The following DNAH6 variants were observed in gnomAD, a reference collection of about 807,000 sequenced individuals.
DNAH6 encodes the protein axonemal beta dynein heavy chain 6.
DNAH6 carries 340 observed loss-of-function variants against 491.4 expected under a neutral mutation model. That is an observed-to-expected ratio of 0.69 (90% CI 0.63 to 0.76). The LOEUF (loss-of-function observed/expected upper bound fraction) is 0.76, where lower values mean the gene tolerates loss of function less well. Ranked by LOEUF, DNAH6 falls within the 30% of genes least tolerant of loss-of-function variation. DNAH6 has a pLI of 0.00. For synonymous variants in DNAH6, 1,603 were observed against 1,686.1 expected (o/e 0.95, Z 1.21); for missense variants, 4,443 against 4,972.2 (o/e 0.89, Z 3.20).
intron 51 of DNAH6, 85 bp downstream of exon 51, chr2:84,704,387 C>T (rs1696233688): frequency 1.0e-6 from 1 of 956,822 alleles, no homozygotes; most frequent in Admixed American, 2.6e-5. Context: ...TATATTCATT[C>T]CCTTCTCCAC....
chr2:84,590,853 G>T (rs1558763623), intron 16 of DNAH6, among the ~76,000 whole-genome samples: 1 of 152,154 alleles, frequency 6.6e-6, no homozygotes, highest in African/African-American at 2.4e-5. Flanking sequence ...TGGAATACAT[G>T]GCATTCTGAC....
the DNAH6 span, among the ~76,000 whole-genome samples, chr2:84,476,123 G>A: frequency 3.9e-5 from 6 of 152,146 alleles, no homozygotes; most frequent in Non-Finnish European, 8.8e-5. Context: ...CAATCATATG[G>A]TATTAATCTA....
chr2:84,656,234 G>A (rs1381321197), intron 35 of DNAH6, among the ~76,000 whole-genome samples: 1 of 152,118 alleles, frequency 6.6e-6, no homozygotes, highest in Non-Finnish European at 1.5e-5. Flanking sequence ...TGGCAATTAT[G>A]AATTAAACTC....
At chr2:84,634,226 A>G (rs139779828) in intron 29 of DNAH6, among the ~76,000 whole-genome samples, 3 of 152,310 alleles carry the variant, frequency 2.0e-5, no homozygotes, top group Admixed American at 6.5e-5. Flanking sequence ...TCTGTCAAGT[A>G]TTTGCAGAGG....
At chr2:84,657,410 C>T (rs560540144) in intron 35 of DNAH6, among the ~76,000 whole-genome samples, 1 of 152,078 alleles carries the variant, frequency 6.6e-6, no homozygotes, top group South Asian at 2.1e-4. Context: ...TTATAGATAA[C>T]ATCAGAGAAA....
At chr2:84,565,401 C>T (rs1032865367) in intron 11 of DNAH6, among the ~76,000 whole-genome samples, 1 of 151,438 alleles carries the variant, frequency 6.6e-6, no homozygotes, top group Non-Finnish European at 1.5e-5. Flanking sequence ...CGGGGTTTCA[C>T]TGTCATTCTG....
At chr2:84,594,677 A>G (rs1333362433) in intron 17 of DNAH6, among the ~76,000 whole-genome samples, 2 of 152,172 alleles carry the variant, frequency 1.3e-5, no homozygotes, top group African/African-American at 2.4e-5. Context: ...TGTGGTATGG[A>G]CATGTTAGAA....
intron 33 of DNAH6, among the ~76,000 whole-genome samples, chr2:84,646,728 G>A (rs1689935025): frequency 6.6e-6 from 1 of 152,188 alleles, no homozygotes; most frequent in African/African-American, 2.4e-5. Flanking sequence ...AGGAGAGAGT[G>A]GTGAGGAAGC....
chr2:84,671,698 C>A (rs771665770), intron 39 of DNAH6, among the ~76,000 whole-genome samples: 12 of 152,302 alleles, frequency 7.9e-5, no homozygotes, highest in Non-Finnish European at 1.6e-4. Flanking sequence ...GAGTGGAGCA[C>A]TCAGTTTGCC....
At chr2:84,673,424 C>T (rs900721407) in intron 40 of DNAH6, among the ~76,000 whole-genome samples, 35 of 152,196 alleles carry the variant, frequency 2.3e-4, no homozygotes, top group Admixed American at 1.5e-3. Flanking sequence ...AGATGAGGGT[C>T]GAGCCTCCTG....
the DNAH6 span, among the ~76,000 whole-genome samples, chr2:84,475,412 C>A: frequency 6.6e-6 from 1 of 152,218 alleles, no homozygotes; most frequent in Admixed American, 6.5e-5. Context: ...CACTGACTTG[C>A]CCAGTGATGG....
chr2:84,527,069 G>A (rs937105373), intron 3 of DNAH6, among the ~76,000 whole-genome samples: 2 of 152,110 alleles, frequency 1.3e-5, no homozygotes, highest in Admixed American at 6.5e-5. Context: ...TATTTATTCT[G>A]AGAAAAAGGT....
intron 62 of DNAH6, among the ~76,000 whole-genome samples, chr2:84,741,539 A>C (rs1043228111): frequency 2.0e-5 from 3 of 151,648 alleles, no homozygotes; most frequent in African/African-American, 4.9e-5. Flanking sequence ...CTGGGGCTAA[A>C]GAGGGTGGGG....
chr2:84,601,065 T>C (rs1685192893), intron 18 of DNAH6, among the ~76,000 whole-genome samples: 2 of 149,052 alleles, frequency 1.3e-5, no homozygotes, highest in South Asian at 4.2e-4. Flanking sequence ...ATTATTATAC[T>C]ATAAGGAATC....
chr2:84,774,542 T>G (rs924469371), intron 64 of DNAH6, among the ~76,000 whole-genome samples: 7 of 152,178 alleles, frequency 4.6e-5, no homozygotes, highest in African/African-American at 1.7e-4. Context: ...CTTTGGCCAT[T>G]CAGATTCTTT....
At chr2:84,491,088 G>A in the DNAH6 span, among the ~76,000 whole-genome samples, 1 of 152,146 alleles carries the variant, frequency 6.6e-6, no homozygotes, top group Non-Finnish European at 1.5e-5. Context: ...TGCAATACAG[G>A]TTTTGAGGTA....
the DNAH6 span, among the ~76,000 whole-genome samples, chr2:84,473,970 TAGTC>T: frequency 1.0e-3 from 152 of 152,354 alleles, 1 homozygote; most frequent in Admixed American, 1.5e-3. Flanking sequence ...GTTTGGCAAA[TAGTC>T]AGACTATTTA....
In DNAH6 at chr2:84,672,122, C is replaced by T. The variant is rs543931901; in HGVS notation, c.6455-205C>T. Among the ~76,000 whole-genome samples the T allele has an allele frequency of 1.1e-3, 168 of 152,300 alleles. 1 individual carries two copies. Among genetic ancestry groups the T allele is most frequent in the African/African-American group, 2.8e-3 (117 of 41,574 alleles). Reference sequence around the variant, plus strand: ...GATAAGGGGCCACCTGGCATGACAACGTGGACGTCTTGACCAGGACCACAT... The same window carrying T: ...GATAAGGGGCCACCTGGCATGACAATGTGGACGTCTTGACCAGGACCACAT... On this transcript the variant is annotated intron_variant, in intron 39 of 76. Transcript: ENST00000389394.
chr2:84,632,645 T>C (rs1214398399), intron 29 of DNAH6, among the ~76,000 whole-genome samples: 1 of 152,224 alleles, frequency 6.6e-6, no homozygotes, highest in East Asian at 1.9e-4. Flanking sequence ...TCTGCAGCTT[T>C]GTTGTACAGA....
Sources: gnomAD v4.1 joint callset for allele counts (sites outside exome capture counted in the v4.1 genomes callset) on GRCh38, gnomAD v4.1.1 for gene constraint, MANE v1.5 for transcripts, NCBI Gene and HGNC (gene_info 2026-07-23, HGNC 2026-07-21) for gene names.